The following FEM1C variants were observed in gnomAD, a reference collection of about 807,000 sequenced individuals.
FEM1C encodes fem-1 homolog C.
FEM1C carries 15 observed loss-of-function variants against 37.6 expected under a neutral mutation model. The observed-to-expected ratio is 0.40, with a 90% CI of 0.27 to 0.61. FEM1C has a LOEUF of 0.61. Among genes scored for constraint, FEM1C ranks in the 20% least tolerant of loss-of-function variants. The pLI, the probability that FEM1C is intolerant of heterozygous loss-of-function variation, is 0.42. For missense variants in FEM1C, 532 were observed against 749.7 expected, an observed-to-expected ratio of 0.71 and a Z score of 3.39; for synonymous variants, 287 against 272.8, an observed-to-expected ratio of 1.05 and a Z score of -0.51.
At chr5:115,538,762 T>G (rs372166759) in intron 2 of FEM1C, among the ~76,000 whole-genome samples, 5 of 151,972 alleles carry the variant, frequency 3.3e-5, no homozygotes, top group South Asian at 2.1e-4. Flanking sequence ...ATGCCTACTT[T>G]CCAATTCCTG....
chr5:115,527,958 G>A (rs924816697), intron 2 of FEM1C, among the ~76,000 whole-genome samples: 2 of 134,744 alleles, frequency 1.5e-5, no homozygotes, highest in African/African-American at 2.8e-5. Context: ...CAGAGATCAT[G>A]CCACTGCACT....
At chr5:115,542,373 C>T (rs1754260399) in intron 2 of FEM1C, among the ~76,000 whole-genome samples, 1 of 152,014 alleles carries the variant, frequency 6.6e-6, no homozygotes, top group Non-Finnish European at 1.5e-5. Flanking sequence ...AATGCATGTT[C>T]TTATAAAAGG....
chr5:115,540,977 G>T (rs1287654541), intron 2 of FEM1C, among the ~76,000 whole-genome samples: 4 of 151,978 alleles, frequency 2.6e-5, no homozygotes, highest in Admixed American at 2.0e-4. Flanking sequence ...TTCTTCAAAA[G>T]AATGATAATT....
chr5:115,529,044 A>C (rs1473840155), intron 2 of FEM1C, among the ~76,000 whole-genome samples: 1 of 152,100 alleles, frequency 6.6e-6, no homozygotes, highest in Non-Finnish European at 1.5e-5. Flanking sequence ...TGGAGACTAT[A>C]AGAGAAAGAG....
In FEM1C at chr5:115,543,132, C is replaced by T; in HGVS notation, c.362G>A (p.Arg121Gln). The change falls in exon 2 of 3, where the codon CGA becomes CAA. Residue 121 changes from arginine to glutamine, a missense_variant. Physicochemically the swap from Arg to Gln is conservative, Grantham distance 43 (BLOSUM62 1). Transcript: ENST00000274457. ...CAAATGGCCATCGAAACACGCAGCTCGAAGAGGAGTTGAATTGGTTAAAGT... is the reference window on the plus strand; with the variant it reads ...CAAATGGCCATCGAAACACGCAGCTTGAAGAGGAGTTGAATTGGTTAAAGT... ...NTTLTNSTPL[R>Q]AACFDGHLEI... 1 of 1,614,178 alleles carries T rather than the reference C, an allele frequency of 6.2e-7. No homozygotes were observed. The highest frequency in any genetic ancestry group is 8.5e-7 in the Non-Finnish European group (1 of 1,180,038).
intron 2 of FEM1C, 53 bp from the exon 3 acceptor site, chr5:115,525,670 A>G: frequency 7.4e-7 from 1 of 1,344,054 alleles, no homozygotes; most frequent in Non-Finnish European, 1.0e-6. Context: ...ACCAAAATAT[A>G]ATGTAATATA....
At chr5:115,536,728 A>G (rs1171080898) in intron 2 of FEM1C, among the ~76,000 whole-genome samples, 1 of 152,026 alleles carries the variant, frequency 6.6e-6, no homozygotes, top group Non-Finnish European at 1.5e-5. Context: ...TTGTGCCAAG[A>G]CTACTTACTA....
intron 2 of FEM1C, among the ~76,000 whole-genome samples, chr5:115,536,213 T>C (rs1323192421): frequency 6.6e-6 from 1 of 152,028 alleles, no homozygotes; most frequent in African/African-American, 2.4e-5. Flanking sequence ...AGTGGTTTTG[T>C]GAATTTTATC....
rs931290940 is a variant in FEM1C, at chr5:115,527,574, T to C, written c.545-1957A>G. On this transcript the variant is annotated intron_variant, in intron 2 of 2. Transcript: ENST00000274457. ...ACTACACCAAGTATATTTTAAACAC[T>C]CTTTTGTATTAAGGACCTCTACTAT... 7.9e-5 allele frequency among the ~76,000 whole-genome samples: 12 copies of C among 152,162 alleles called. 1 individual carries two copies.
At chr5:115,538,957 ATTCC>A (rs1443803392) in intron 2 of FEM1C, among the ~76,000 whole-genome samples, 1 of 152,014 alleles carries the variant, frequency 6.6e-6, no homozygotes, top group African/African-American at 2.4e-5. Flanking sequence ...TCCATGAAGC[ATTCC>A]TAGTCAGTAC....
rs1753837139 is a variant in FEM1C at position 115,524,300 on chromosome 5, T to G, written c.*8A>C. 1 of 1,610,712 alleles carries G rather than the reference T, an allele frequency of 6.2e-7. No homozygotes were observed. Among genetic ancestry groups the G allele is most frequent in the African/African-American group, 1.3e-5 (1 of 74,816 alleles). ...GTGCTTTAACAGTGCTAAAATACAG[T>G]CAAGTTATCATCTATGAAGGGAAAC... On this transcript the variant is annotated 3_prime_UTR_variant, in exon 3 of 3. Transcript: ENST00000274457.
chr5:115,539,563 C>G (rs1754197802), intron 2 of FEM1C, among the ~76,000 whole-genome samples: 2 of 152,026 alleles, frequency 1.3e-5, no homozygotes, highest in Non-Finnish European at 1.5e-5. Context: ...TTTTGGAATG[C>G]CATGGGAAAA....
intron 1 of FEM1C, chr5:115,544,275 A>C: frequency 1.5e-6 from 1 of 681,814 alleles, no homozygotes; most frequent in African/African-American, 2.1e-5. Context: ...CCCCCCGCCA[A>C]GGGATGATCC....
chr5:115,540,541 C>T (rs1754218921), intron 2 of FEM1C, among the ~76,000 whole-genome samples: 1 of 151,916 alleles, frequency 6.6e-6, no homozygotes, highest in Admixed American at 6.6e-5. Flanking sequence ...AGAGAACAGA[C>T]ATACCCTCAC....
At chr5:115,528,529 A>T (rs1753951920) in intron 2 of FEM1C, among the ~76,000 whole-genome samples, 1 of 152,202 alleles carries the variant, frequency 6.6e-6, no homozygotes, top group Non-Finnish European at 1.5e-5. Context: ...TAGCTATCGC[A>T]AAAACTTAAA....
chr5:115,539,981 C>T (rs1009084551), intron 2 of FEM1C, among the ~76,000 whole-genome samples: 1 of 152,040 alleles, frequency 6.6e-6, no homozygotes, highest in African/African-American at 2.4e-5. Flanking sequence ...TTAAGCAGAC[C>T]AAGCACAATG....
In FEM1C at chr5:115,524,838, G is replaced by A. The variant is rs575736010; in HGVS notation, c.1324C>T (p.Leu442Phe). ...PADPLQLNKALSIILHLICLL... is the reference protein window; with the variant it reads ...PADPLQLNKAFSIILHLICLL... ...CAAATTAAGTGCAAAATAATAGAAA[G>A]GGCCTTATTTAACTGTAATGGGTCA... Residue 442 changes from leucine (L) to phenylalanine (F), a missense_variant, in exon 3 of 3, where the codon CTT (leucine) becomes TTT (phenylalanine). Physicochemically the swap from Leu to Phe is conservative, Grantham distance 22. This residue lies in a region of FEM1C where 237 missense variants were observed against 260.5 expected (regional missense o/e 0.91). Transcript: ENST00000274457. 2 of 1,610,824 alleles carry A rather than the reference G, an allele frequency of 1.2e-6. No homozygotes were observed. Among genetic ancestry groups the A allele is most frequent in the Non-Finnish European group, 1.7e-6 (2 of 1,178,800 alleles).
Position 115,543,510 on chromosome 5 carries a change from G to C in FEM1C, c.-17C>G, listed in dbSNP as rs1202937730. The C allele has an allele frequency of 6.3e-7, 1 of 1,576,696 alleles. No homozygotes were observed. Among genetic ancestry groups the C allele is most frequent in the Non-Finnish European group, 8.6e-7 (1 of 1,166,480 alleles). ...TAGATCCATTTATGTCCAGTTGAGA[G>C]GCTGTGCTTTATTTATCTTTCAAAG... On this transcript the variant is annotated 5_prime_UTR_variant, in exon 2 of 3. Transcript: ENST00000274457.
In FEM1C at chr5:115,543,671, C is replaced by G. The variant is rs531516417; in HGVS notation, c.-178G>C. On this transcript the variant is annotated 5_prime_UTR_variant, in exon 2 of 3. Coordinates refer to ENST00000274457, the MANE Select transcript of FEM1C (RefSeq NM_020177.3). ...CCTACTGCTTTCCAACATCTGACAA[C>G]CAGGGCACCAAACTAGAGAAAGAAA... The G allele has an allele frequency of 7.3e-7, 1 of 1,361,350 alleles. No homozygotes were observed. Among genetic ancestry groups the G allele is most frequent in the Non-Finnish European group, 9.4e-7 (1 of 1,061,670 alleles). The allele number at this position is 1,361,350 out of a possible 1,614,324, so 84.3% of individuals were successfully genotyped here.
Sources: allele counts gnomAD v4.1 joint callset (sites outside exome capture counted in the v4.1 genomes callset), GRCh38; gene constraint gnomAD v4.1.1; regional missense constraint gnomAD v4.1.1; transcripts MANE v1.5; gene names NCBI Gene and HGNC (gene_info 2026-07-23, HGNC 2026-07-21).